The following PLEKHA2 variants were observed in gnomAD, a reference collection of about 807,000 sequenced individuals.
PLEKHA2 encodes the protein pleckstrin homology domain-containing family A member 2.
A neutral mutation model predicts 53.2 loss-of-function variants in PLEKHA2; 28 were observed. That is an observed-to-expected ratio of 0.53 (90% CI 0.39 to 0.72). The LOEUF (loss-of-function observed/expected upper bound fraction) is 0.72. Among genes scored for constraint, PLEKHA2 ranks in the 30% least tolerant of loss-of-function variants. The pLI, the probability that PLEKHA2 is intolerant of heterozygous loss-of-function variation, is 0.00. For missense variants in PLEKHA2, 426 were observed against 537.9 expected, an observed-to-expected ratio of 0.79 and a Z score of 2.06; for synonymous variants, 193 against 196.4, an observed-to-expected ratio of 0.98 and a Z score of 0.14.
rs1399133991 is a variant in PLEKHA2, at chr8:38,972,146, A to G, written c.*2363A>G. 2.6e-5 allele frequency: 4 copies of G among 152,058 alleles called. No individual in the cohort carries two copies. The highest frequency in any genetic ancestry group is 6.6e-5 in the Admixed American group (1 of 15,262). 9.4% of individuals were successfully genotyped at this position (152,058 alleles called of 1,614,324 possible). On this transcript the variant is annotated 3_prime_UTR_variant, in exon 12 of 12. Transcript: ENST00000617275. Reference sequence around the variant, plus strand: ...GAAATCTTCTTGTCAATTGGCAAACACTTGGGAATTCCACATTAGAGCATT... The same window carrying G: ...GAAATCTTCTTGTCAATTGGCAAACGCTTGGGAATTCCACATTAGAGCATT...
At chr8:38,940,142 A>G (rs1177920764) in intron 3 of PLEKHA2, among the ~76,000 whole-genome samples, 2 of 151,416 alleles carry the variant, frequency 1.3e-5, no homozygotes, top group Non-Finnish European at 2.9e-5. Context: ...TCACGCCTAT[A>G]ATCCCAGCAC....
intron 11 of PLEKHA2, chr8:38,968,906 T>TC (rs1287327038): frequency 4.2e-6 from 2 of 480,294 alleles, no homozygotes; most frequent in East Asian, 7.1e-5. Flanking sequence ...TTCTTTTTTT[T>TC]TTTTTTTTTT....
At chr8:38,956,990 C>G (rs764025081) in intron 9 of PLEKHA2, among the ~76,000 whole-genome samples, 2 of 151,942 alleles carry the variant, frequency 1.3e-5, no homozygotes, top group Non-Finnish European at 2.9e-5. Context: ...AGGAGGGAGG[C>G]AGGAAGGAAG....
At chr8:38,914,920 T>C (rs1187733903) in intron 1 of PLEKHA2, among the ~76,000 whole-genome samples, 1 of 150,600 alleles carries the variant, frequency 6.6e-6, no homozygotes, top group African/African-American at 2.5e-5. Context: ...TTCTTCTTTC[T>C]TCCTTCTTCT....
chr8:38,925,730 T>C (rs192321928), intron 2 of PLEKHA2, among the ~76,000 whole-genome samples: 1 of 152,352 alleles, frequency 6.6e-6, no homozygotes, highest in African/African-American at 2.4e-5. Flanking sequence ...TTGGTGCATT[T>C]TAGTAGAAAG....
intron 2 of PLEKHA2, among the ~76,000 whole-genome samples, chr8:38,934,137 T>TAGA (rs967690705): frequency 2.4e-4 from 37 of 151,586 alleles, no homozygotes; most frequent in Non-Finnish European, 4.0e-4. Context: ...GAAGAAGAGG[T>TAGA]AGAAGAAGAA....
At chr8:38,920,190 G>A (rs1263885006) in intron 2 of PLEKHA2, among the ~76,000 whole-genome samples, 3 of 151,318 alleles carry the variant, frequency 2.0e-5, no homozygotes, top group Non-Finnish European at 4.4e-5. Context: ...TCTCTCTGTT[G>A]CCCAGGCTAG....
chr8:38,965,384 G>A (rs1486886111), intron 10 of PLEKHA2, among the ~76,000 whole-genome samples: 5 of 152,110 alleles, frequency 3.3e-5, no homozygotes, highest in Admixed American at 3.3e-4. Flanking sequence ...ACTGCTGGAA[G>A]GAGCATGGAG....
chr8:38,968,799 C>T, intron 11 of PLEKHA2, 130 bp downstream of exon 11: 4 of 824,684 alleles, frequency 4.9e-6, no homozygotes, highest in Admixed American at 2.7e-5. Flanking sequence ...GGCTGTCTTG[C>T]TTGTTTTTCT....
chr8:38,915,067 C>T (rs1056521196), intron 1 of PLEKHA2, among the ~76,000 whole-genome samples: 7 of 152,142 alleles, frequency 4.6e-5, no homozygotes, highest in Non-Finnish European at 7.3e-5. Flanking sequence ...CTACCTCAGC[C>T]TCCTGAGTAG....
At chr8:38,953,077 G>T (rs958968023) in intron 8 of PLEKHA2, among the ~76,000 whole-genome samples, 5 of 152,214 alleles carry the variant, frequency 3.3e-5, no homozygotes, top group African/African-American at 1.2e-4. Flanking sequence ...CTGGCCTCAA[G>T]CAATCCTCCA....
rs200560678 is a variant in PLEKHA2, at chr8:38,934,431, A to AT, written c.142-1552dup. Among the ~76,000 whole-genome samples, 402 of 147,262 alleles carry AT rather than the reference A, an allele frequency of 2.7e-3. 1 individual carries two copies. Among genetic ancestry groups the AT allele is most frequent in the African/African-American group, 8.6e-3 (346 of 40,122 alleles). ...ACCCCAGGTAATGGGGGCTTCAGAG[A>AT]TTTTTTTTTTTCTTTTTTGAGATGG... On this transcript the variant is annotated intron_variant, in intron 2 of 11. Coordinates refer to ENST00000617275, the MANE Select transcript of PLEKHA2 (RefSeq NM_021623.2).
At chr8:38,940,660 G>GT (rs1194081751) in intron 3 of PLEKHA2, among the ~76,000 whole-genome samples, 12 of 97,952 alleles carry the variant, frequency 1.2e-4, no homozygotes, top group African/African-American at 3.9e-4. Flanking sequence ...CGGGGGGGGG[G>GT]GGTCAGAAAC....
intron 3 of PLEKHA2, among the ~76,000 whole-genome samples, chr8:38,937,306 G>A (rs1564129288): frequency 6.6e-6 from 1 of 152,170 alleles, no homozygotes; most frequent in East Asian, 1.9e-4. Flanking sequence ...AAATGTGGCT[G>A]CCTCCCCGGG....
At chr8:38,912,039 G>A (rs1346053204) in intron 1 of PLEKHA2, among the ~76,000 whole-genome samples, 4 of 152,058 alleles carry the variant, frequency 2.6e-5, no homozygotes, top group East Asian at 1.9e-4. Flanking sequence ...AGTGGCTCAC[G>A]CCTATAATCC....
rs182005092 is a variant in PLEKHA2 at position 38,946,362 on chromosome 8, G to A, written c.345+141G>A. On this transcript the variant is annotated intron_variant, in intron 5 of 11. Transcript: ENST00000617275. ...TCTGTACCCAGTTCTCTCCCACCTC[G>A]TCTTTTTCCTTGGCTGACCAAACAC... The A allele has an allele frequency of 7.1e-4, 476 of 674,144 alleles. 3 individuals carry two copies. In the African/African-American group the frequency reaches 7.8e-3, roughly 11 times the overall value. 41.8% of individuals were successfully genotyped at this position (674,144 alleles called of 1,614,324 possible). A position where few individuals can be genotyped will look rare whatever the true frequency, so the allele number is the denominator to read the frequency against.
intron 4 of PLEKHA2, among the ~76,000 whole-genome samples, chr8:38,944,187 A>G (rs1773303701): frequency 6.6e-6 from 1 of 152,072 alleles, no homozygotes; most frequent in Non-Finnish European, 1.5e-5. Context: ...TTGAACTGCT[A>G]TAAAGAAATA....
rs1465147007 is a variant in PLEKHA2, at chr8:38,972,657, T to C, written c.*2874T>C. The C allele has an allele frequency of 6.6e-6, 1 of 152,206 alleles. No individual in the cohort carries two copies. The highest frequency in any genetic ancestry group is 1.5e-5 in the Non-Finnish European group (1 of 68,040). 9.4% of individuals were successfully genotyped at this position (152,206 alleles called of 1,614,324 possible). ...TAATGTGAACCAAAGATGGTACGTATTTGACCAAAGCAGTTAGTTTTAAAT... is the reference window on the plus strand; with the variant it reads ...TAATGTGAACCAAAGATGGTACGTACTTGACCAAAGCAGTTAGTTTTAAAT... On this transcript the variant is annotated 3_prime_UTR_variant, in exon 12 of 12. Coordinates refer to ENST00000617275, the MANE Select transcript of PLEKHA2 (RefSeq NM_021623.2).
intron 1 of PLEKHA2, among the ~76,000 whole-genome samples, chr8:38,914,598 C>A (rs1353331583): frequency 1.3e-5 from 2 of 152,226 alleles, no homozygotes. Flanking sequence ...TCTGTTGGAG[C>A]CTGTCAGGGC....
Sources: gnomAD v4.1 joint callset for allele counts (sites outside exome capture counted in the v4.1 genomes callset) on GRCh38, gnomAD v4.1.1 for gene constraint, MANE v1.5 for transcripts, NCBI Gene and HGNC (gene_info 2026-07-23, HGNC 2026-07-21) for gene names.